The following ZFAND3 variants were observed in gnomAD, a reference collection of about 807,000 sequenced individuals.
ZFAND3 encodes the protein AN1-type zinc finger protein 3.
Under a neutral mutation model 29.6 loss-of-function variants are expected in ZFAND3, and 10 were observed. The observed-to-expected ratio is 0.34, with a 90% CI of 0.21 to 0.57. ZFAND3 has a LOEUF of 0.57. Ranked by LOEUF, ZFAND3 falls within the 20% of genes least tolerant of loss-of-function variation. ZFAND3 has a pLI of 0.86. For missense variants in ZFAND3, 230 were observed against 304.5 expected, an observed-to-expected ratio of 0.76 and a Z score of 1.82; for synonymous variants, 128 against 112.6, an observed-to-expected ratio of 1.14 and a Z score of -0.87.
intron 1 of ZFAND3, among the ~76,000 whole-genome samples, chr6:37,820,866 A>G (rs1374155940): frequency 1.3e-5 from 2 of 152,258 alleles, no homozygotes; most frequent in Admixed American, 6.5e-5. Flanking sequence ...TCCTCCCCCC[A>G]TTACTGTTTA....
intron 4 of ZFAND3, among the ~76,000 whole-genome samples, chr6:38,115,725 G>C (rs1562005003): frequency 6.6e-6 from 1 of 152,182 alleles, no homozygotes; most frequent in Non-Finnish European, 1.5e-5. Flanking sequence ...CAGGAATACA[G>C]AGCCCCAAAG....
intron 2 of ZFAND3, among the ~76,000 whole-genome samples, chr6:38,031,104 A>G (rs1339042374): frequency 6.6e-6 from 1 of 152,224 alleles, no homozygotes; most frequent in East Asian, 1.9e-4. Flanking sequence ...CGTAGCCAAG[A>G]TAGGACCCAG....
intron 1 of ZFAND3, among the ~76,000 whole-genome samples, chr6:37,926,585 CATTA>C (rs1446821831): frequency 6.6e-5 from 10 of 152,146 alleles, no homozygotes; most frequent in Non-Finnish European, 1.5e-4. Flanking sequence ...ATCTCAAAAT[CATTA>C]ATTAATTTGG....
intron 2 of ZFAND3, among the ~76,000 whole-genome samples, chr6:37,985,698 G>A (rs1162613132): frequency 1.3e-5 from 2 of 152,086 alleles, no homozygotes; most frequent in African/African-American, 4.8e-5. Flanking sequence ...ATAACAATAA[G>A]TAAAGTTTAG....
chr6:38,013,251 T>C (rs1763192559), intron 2 of ZFAND3, among the ~76,000 whole-genome samples: 1 of 152,218 alleles, frequency 6.6e-6, no homozygotes, highest in Non-Finnish European at 1.5e-5. Flanking sequence ...CTAACATTTT[T>C]GTGGCACAGA....
intron 2 of ZFAND3, among the ~76,000 whole-genome samples, chr6:38,048,141 G>A (rs1468344751): frequency 6.6e-6 from 1 of 151,870 alleles, no homozygotes; most frequent in Non-Finnish European, 1.5e-5. Flanking sequence ...GAGTAGCTGG[G>A]ACTACAGGCG....
intron 1 of ZFAND3, among the ~76,000 whole-genome samples, chr6:37,877,490 G>A (rs1764814561): frequency 1.3e-5 from 2 of 152,186 alleles, no homozygotes; most frequent in Admixed American, 6.5e-5. Context: ...GAAGTAGTCA[G>A]TTTGGGGCTA....
At chr6:37,874,791 G>T (rs966570258) in intron 1 of ZFAND3, among the ~76,000 whole-genome samples, 1 of 152,082 alleles carries the variant, frequency 6.6e-6, no homozygotes, top group East Asian at 1.9e-4. Context: ...GCCCAGGCTG[G>T]TCTCAAACTC....
chr6:38,078,864 G>A (rs1368561436), intron 3 of ZFAND3, among the ~76,000 whole-genome samples: 1 of 152,202 alleles, frequency 6.6e-6, no homozygotes, highest in East Asian at 1.9e-4. Flanking sequence ...CAAGTTTACA[G>A]TGAGTCATGG....
At chr6:38,077,437 G>A (rs1358763948) in intron 3 of ZFAND3, among the ~76,000 whole-genome samples, 1 of 149,570 alleles carries the variant, frequency 6.7e-6, no homozygotes, top group African/African-American at 2.5e-5. Flanking sequence ...TTATGTAAAT[G>A]TCATGTTAAG....
Position 37,925,889 on chromosome 6 carries a change from G to C in ZFAND3, c.72-4070G>C, listed in dbSNP as rs1761475917. On this transcript the variant is annotated intron_variant, in intron 1 of 5. Transcript: ENST00000287218. ...ATAGGCAGTTAGATATGTGAGTTTGGAGCAAGGTAAAGAGATTTGGGATTG... is the reference window on the plus strand; with the variant it reads ...ATAGGCAGTTAGATATGTGAGTTTGCAGCAAGGTAAAGAGATTTGGGATTG... Among the ~76,000 whole-genome samples, 3 of 152,150 alleles carry C rather than the reference G, an allele frequency of 2.0e-5. No individual in the cohort carries two copies. In the South Asian group the frequency reaches 6.2e-4, roughly 32 times the overall value.
chr6:37,828,431 G>A (rs1038748448), intron 1 of ZFAND3, among the ~76,000 whole-genome samples: 2 of 152,152 alleles, frequency 1.3e-5, no homozygotes, highest in South Asian at 2.1e-4. Flanking sequence ...GCAGAAAAAT[G>A]TACTGGCAAA....
At chr6:38,019,660 A>G (rs1363993804) in intron 2 of ZFAND3, among the ~76,000 whole-genome samples, 8 of 152,176 alleles carry the variant, frequency 5.3e-5, no homozygotes. Context: ...TTTGCTTTTT[A>G]TAGTTAACTA....
At chr6:37,954,578 A>G (rs1181679463) in intron 2 of ZFAND3, among the ~76,000 whole-genome samples, 1 of 151,508 alleles carries the variant, frequency 6.6e-6, no homozygotes, top group African/African-American at 2.4e-5. Flanking sequence ...GTTATTCCGT[A>G]TGTTTTAATG....
At chr6:37,897,191 C>T (rs576437811) in intron 1 of ZFAND3, among the ~76,000 whole-genome samples, 31 of 152,270 alleles carry the variant, frequency 2.0e-4, no homozygotes, top group African/African-American at 7.2e-4. Context: ...CCTTCTTGCC[C>T]TCTTCTACTT....
chr6:38,121,469 G>A (rs1355459238), intron 5 of ZFAND3, among the ~76,000 whole-genome samples: 1 of 152,190 alleles, frequency 6.6e-6, no homozygotes, highest in Non-Finnish European at 1.5e-5. Flanking sequence ...ACAGATTGTT[G>A]GGACCCACAC....
At chr6:38,006,676 T>A (rs1366056332) in intron 2 of ZFAND3, among the ~76,000 whole-genome samples, 3 of 68,640 alleles carry the variant, frequency 4.4e-5, no homozygotes, top group Non-Finnish European at 3.5e-5. Flanking sequence ...TTTTTTTTTT[T>A]TAATTGATGG....
At chr6:37,868,385 C>T (rs1451915940) in intron 1 of ZFAND3, among the ~76,000 whole-genome samples, 1 of 152,038 alleles carries the variant, frequency 6.6e-6, no homozygotes, top group Non-Finnish European at 1.5e-5. Flanking sequence ...GAAACTGGAA[C>T]AAGATGGAGC....
chr6:37,856,438 G>A (rs752863330), intron 1 of ZFAND3, among the ~76,000 whole-genome samples: 19 of 152,104 alleles, frequency 1.2e-4, no homozygotes, highest in Non-Finnish European at 2.5e-4. Flanking sequence ...GTTTCTTTCA[G>A]TATTCAGCAT....
Sources: gnomAD v4.1 joint callset for allele counts (sites outside exome capture counted in the v4.1 genomes callset) on GRCh38, gnomAD v4.1.1 for gene constraint, MANE v1.5 for transcripts, NCBI Gene and HGNC (gene_info 2026-07-23, HGNC 2026-07-21) for gene names.